Variants in NBAS observed in about 807,000 individuals in gnomAD.
NBAS encodes the protein NBAS subunit of NRZ tethering complex, also known as NAG/BC035112 fusion.
In NBAS, 219 loss-of-function variants were observed where a neutral mutation model predicts 302.5. The ratio of observed to expected loss-of-function variants is 0.72; its 90% CI spans 0.65 to 0.81. The LOEUF is 0.81. Among genes scored for constraint, NBAS ranks in the 30% least tolerant of loss-of-function variants. The pLI, the probability that NBAS is intolerant of heterozygous loss-of-function variation, is 0.00. For missense variants in NBAS, 2,932 were observed against 2,841.6 expected (o/e 1.03, Z -0.72); for synonymous variants, 1,118 against 1,021.6 (o/e 1.09, Z -1.80).
At chr2:15,014,231 T>C in the NBAS span, among the ~76,000 whole-genome samples, 3 of 152,168 alleles carry the variant, frequency 2.0e-5, no homozygotes, top group African/African-American at 4.8e-5. Context: ...GGATTGAACA[T>C]GTTATCTGGA....
At chr2:15,434,596 A>G (rs1677920460) in intron 21 of NBAS, among the ~76,000 whole-genome samples, 1 of 152,236 alleles carries the variant, frequency 6.6e-6, no homozygotes. Flanking sequence ...AAATGTTTAT[A>G]AATACATAGG....
chr2:15,150,127 A>G, the NBAS span, among the ~76,000 whole-genome samples: 3 of 151,910 alleles, frequency 2.0e-5, no homozygotes, highest in Non-Finnish European at 4.4e-5. Context: ...ATTTAATTAT[A>G]TGGGAAGCAT....
intron 13 of NBAS, among the ~76,000 whole-genome samples, chr2:15,478,001 T>C (rs1183624185): frequency 3.1e-5 from 2 of 64,608 alleles, no homozygotes; most frequent in Non-Finnish European, 7.3e-5. Flanking sequence ...AGCATTGAAC[T>C]CAGTGTACCA....
chr2:14,994,154 T>C, the NBAS span, among the ~76,000 whole-genome samples: 2 of 152,204 alleles, frequency 1.3e-5, no homozygotes, highest in Non-Finnish European at 2.9e-5. Flanking sequence ...TCCAGCAACA[T>C]AGTCAGGAAT....
the NBAS span, among the ~76,000 whole-genome samples, chr2:15,093,801 C>A: frequency 6.6e-6 from 1 of 152,072 alleles, no homozygotes; most frequent in Non-Finnish European, 1.5e-5. Flanking sequence ...TATGAATAAT[C>A]AAGCCTGGCT....
the NBAS span, among the ~76,000 whole-genome samples, chr2:15,103,598 C>T: frequency 1.3e-5 from 2 of 152,160 alleles, no homozygotes; most frequent in South Asian, 4.1e-4. Flanking sequence ...TCCTCTGTAT[C>T]ACTGAGATGC....
the NBAS span, among the ~76,000 whole-genome samples, chr2:14,895,114 A>G: frequency 1.3e-5 from 2 of 152,112 alleles, no homozygotes; most frequent in African/African-American, 2.4e-5. Flanking sequence ...GGTAAATACC[A>G]GAAGCTCACA....
At chr2:15,055,521 A>T in the NBAS span, among the ~76,000 whole-genome samples, 1 of 152,122 alleles carries the variant, frequency 6.6e-6, no homozygotes, top group Admixed American at 6.6e-5. Context: ...GGGCTGGAAG[A>T]GCTGCAGTGT....
intron 9 of NBAS, among the ~76,000 whole-genome samples, chr2:15,512,625 T>C (rs1057081482): frequency 6.6e-6 from 1 of 152,130 alleles, no homozygotes; most frequent in Non-Finnish European, 1.5e-5. Flanking sequence ...GAAGAGTCAA[T>C]GTCAGAGTAA....
At chr2:15,015,973 T>C in the NBAS span, among the ~76,000 whole-genome samples, 4 of 152,142 alleles carry the variant, frequency 2.6e-5, no homozygotes, top group Non-Finnish European at 5.9e-5. Context: ...GTAGCATTTC[T>C]ATATACTAAC....
At chr2:15,418,138 C>T (rs1349466049) in intron 23 of NBAS, among the ~76,000 whole-genome samples, 1 of 152,176 alleles carries the variant, frequency 6.6e-6, no homozygotes, top group African/African-American at 2.4e-5. Context: ...GAAGGTTTTA[C>T]TTTTATATTC....
At chr2:14,986,924 A>G in the NBAS span, among the ~76,000 whole-genome samples, 4 of 152,060 alleles carry the variant, frequency 2.6e-5, no homozygotes, top group African/African-American at 9.7e-5. Context: ...AGAAATTTTT[A>G]TTTTTTTAAT....
At chr2:15,017,090 C>T in the NBAS span, among the ~76,000 whole-genome samples, 1 of 152,038 alleles carries the variant, frequency 6.6e-6, no homozygotes, top group Non-Finnish European at 1.5e-5. Context: ...ACAAATAATA[C>T]TGGGAAAACC....
downstream of NBAS, among the ~76,000 whole-genome samples, chr2:15,163,614 T>C (rs888826062): frequency 1.3e-5 from 2 of 152,174 alleles, no homozygotes; most frequent in Non-Finnish European, 2.9e-5. Context: ...TGGAAGTCCC[T>C]GACTCAATCT....
the NBAS span, among the ~76,000 whole-genome samples, chr2:15,024,320 T>A: frequency 6.6e-6 from 1 of 152,118 alleles, no homozygotes; most frequent in Non-Finnish European, 1.5e-5. Flanking sequence ...TTCTTTTTTA[T>A]GGCTGCATAG....
chr2:15,116,254 T>G, the NBAS span, among the ~76,000 whole-genome samples: 1 of 152,174 alleles, frequency 6.6e-6, no homozygotes, highest in Non-Finnish European at 1.5e-5. Flanking sequence ...TATCTTAGCT[T>G]CGACTACCAT....
the NBAS span, among the ~76,000 whole-genome samples, chr2:14,993,899 G>A: frequency 6.6e-6 from 1 of 152,164 alleles, no homozygotes; most frequent in Non-Finnish European, 1.5e-5. Flanking sequence ...TCCATTCACT[G>A]TTTCAGAGGG....
chr2:15,115,589 C>A, the NBAS span, among the ~76,000 whole-genome samples: 1 of 152,180 alleles, frequency 6.6e-6, no homozygotes, highest in Non-Finnish European at 1.5e-5. Context: ...TAACCGCAAA[C>A]TCCTGGGCTC....
At chr2:15,069,036 C>T in the NBAS span, among the ~76,000 whole-genome samples, 9 of 152,074 alleles carry the variant, frequency 5.9e-5, no homozygotes, top group African/African-American at 2.2e-4. Context: ...ATAAAGCCAC[C>T]GGTCCTACTC....
Sources: gnomAD v4.1 joint callset for allele counts (sites outside exome capture counted in the v4.1 genomes callset) on GRCh38, gnomAD v4.1.1 for gene constraint, MANE v1.5 for transcripts, NCBI Gene and HGNC (gene_info 2026-07-23, HGNC 2026-07-21) for gene names.